Variants in DNAJC1 observed in about 807,000 individuals in gnomAD.
The protein encoded by DNAJC1 is DnaJ heat shock protein family (Hsp40) member C1.
A neutral mutation model predicts 76.6 loss-of-function variants in DNAJC1; 58 were observed. The ratio of observed to expected loss-of-function variants is 0.76; its 90% CI spans 0.61 to 0.94. The LOEUF (loss-of-function observed/expected upper bound fraction) is 0.94. Ranked by LOEUF, DNAJC1 falls within the 40% of genes least tolerant of loss-of-function variation. The probability of loss-of-function intolerance (pLI) is 0.00; values close to 1 mark genes in which losing one functional copy is unlikely to be tolerated. For synonymous variants in DNAJC1, 258 were observed against 267.9 expected (o/e 0.96, Z 0.36); for missense variants, 689 against 677.3 (o/e 1.02, Z -0.19).
intron 3 of DNAJC1, among the ~76,000 whole-genome samples, chr10:21,925,013 G>C (rs928714086): frequency 6.6e-6 from 1 of 152,074 alleles, no homozygotes; most frequent in Non-Finnish European, 1.5e-5. Context: ...TTGTTTTAGA[G>C]ATGGGGTCTC....
At chr10:21,855,726 A>G (rs1482765275) in intron 8 of DNAJC1, among the ~76,000 whole-genome samples, 1 of 152,214 alleles carries the variant, frequency 6.6e-6, no homozygotes, top group Non-Finnish European at 1.5e-5. Flanking sequence ...CTGAAGATCT[A>G]GCAAAAAGAG....
intron 8 of DNAJC1, among the ~76,000 whole-genome samples, chr10:21,830,511 A>AT (rs1835339186): frequency 6.6e-6 from 1 of 151,544 alleles, no homozygotes; most frequent in South Asian, 2.1e-4. Flanking sequence ...TAGTTTTAAG[A>AT]TTTTCTATTT....
At chr10:21,996,621 C>T (rs944534365) in intron 1 of DNAJC1, among the ~76,000 whole-genome samples, 3 of 151,940 alleles carry the variant, frequency 2.0e-5, no homozygotes, top group Non-Finnish European at 4.4e-5. Context: ...CTATGAATAA[C>T]AAAAGATACA....
chr10:21,859,301 T>C (rs2666771), intron 8 of DNAJC1, among the ~76,000 whole-genome samples: 113,020 of 152,018 alleles, frequency 0.74, 42,659 homozygotes, highest in East Asian at 0.98. Flanking sequence ...AAAGTGGCTA[T>C]TGCATATGAC....
chr10:21,951,714 C>T (rs916619752), intron 1 of DNAJC1, among the ~76,000 whole-genome samples: 12 of 152,112 alleles, frequency 7.9e-5, no homozygotes, highest in Non-Finnish European at 1.3e-4. Context: ...TACAAGGTAA[C>T]CACTAATAAA....
At chr10:21,805,545 C>T (rs952033477) in intron 9 of DNAJC1, among the ~76,000 whole-genome samples, 3 of 151,582 alleles carry the variant, frequency 2.0e-5, no homozygotes, top group African/African-American at 7.3e-5. Flanking sequence ...AGGCCAACAC[C>T]ATTTGCATTA....
chr10:21,952,051 G>C (rs550365106), intron 1 of DNAJC1, among the ~76,000 whole-genome samples: 1 of 152,106 alleles, frequency 6.6e-6, no homozygotes, highest in Non-Finnish European at 1.5e-5. Flanking sequence ...AATGAATTTA[G>C]ACCATATTTG....
At chr10:21,833,903 C>A (rs955957340) in intron 8 of DNAJC1, among the ~76,000 whole-genome samples, 39 of 152,064 alleles carry the variant, frequency 2.6e-4, no homozygotes, top group African/African-American at 9.2e-4. Flanking sequence ...CAGAAATGTG[C>A]TACTAGAAAT....
chr10:21,958,509 C>T (rs965287410), intron 1 of DNAJC1, among the ~76,000 whole-genome samples: 8 of 151,632 alleles, frequency 5.3e-5, no homozygotes, highest in African/African-American at 1.7e-4. Flanking sequence ...GTCACTGCAA[C>T]CTCCGCCTCC....
At chr10:21,836,629 G>A (rs997576623) in intron 8 of DNAJC1, among the ~76,000 whole-genome samples, 2 of 152,146 alleles carry the variant, frequency 1.3e-5, no homozygotes, top group African/African-American at 4.8e-5. Context: ...TGGGATGGAG[G>A]AAGATCTACC....
chr10:21,784,010 A>T (rs1445866391), intron 9 of DNAJC1, among the ~76,000 whole-genome samples: 1 of 152,242 alleles, frequency 6.6e-6, no homozygotes, highest in East Asian at 1.9e-4. Flanking sequence ...TTTATATCTA[A>T]AACACCAAAA....
chr10:21,827,878 T>C (rs956887608), intron 8 of DNAJC1, among the ~76,000 whole-genome samples: 10 of 152,246 alleles, frequency 6.6e-5, no homozygotes, highest in Admixed American at 4.6e-4. Flanking sequence ...TTAAAATTTT[T>C]CACTACTAGC....
At chr10:21,928,381 A>C (rs1445535935) in intron 3 of DNAJC1, 125 bp downstream of exon 3, 5 of 830,586 alleles carry the variant, frequency 6.0e-6, no homozygotes, top group Non-Finnish European at 7.6e-6. Flanking sequence ...AAAACACTGC[A>C]TTTCTCGGAA....
chr10:21,883,540 A>C (rs1198577440), intron 7 of DNAJC1, among the ~76,000 whole-genome samples: 5 of 152,092 alleles, frequency 3.3e-5, no homozygotes, highest in African/African-American at 1.2e-4. Context: ...ACATCCTGAT[A>C]AACCTATCAT....
At chr10:21,991,870 A>G (rs1445055659) in intron 1 of DNAJC1, among the ~76,000 whole-genome samples, 1 of 152,246 alleles carries the variant, frequency 6.6e-6, no homozygotes, top group Non-Finnish European at 1.5e-5. Context: ...TGTACCTGTT[A>G]GCTATATGCC....
chr10:21,955,992 T>C (rs1366412473), intron 1 of DNAJC1, among the ~76,000 whole-genome samples: 1 of 152,350 alleles, frequency 6.6e-6, no homozygotes, highest in Admixed American at 6.5e-5. Context: ...CATGTCAGTA[T>C]ATACAGGCCA....
intron 8 of DNAJC1, among the ~76,000 whole-genome samples, chr10:21,837,814 CGGGA>C (rs1448901624): frequency 1.6e-5 from 2 of 129,006 alleles, no homozygotes; most frequent in African/African-American, 2.9e-5. Flanking sequence ...CCGCCCCGTC[CGGGA>C]GGGAGGTGGG....
intron 6 of DNAJC1, among the ~76,000 whole-genome samples, chr10:21,913,478 G>A (rs1012248511): frequency 6.6e-6 from 1 of 151,978 alleles, no homozygotes; most frequent in Admixed American, 6.6e-5. Flanking sequence ...AAATTATTAT[G>A]GGCCCAAATA....
At chr10:21,802,349 C>T (rs539941102) in intron 9 of DNAJC1, among the ~76,000 whole-genome samples, 1 of 152,190 alleles carries the variant, frequency 6.6e-6, no homozygotes, top group Middle Eastern at 3.4e-3. Context: ...AAGATAATAA[C>T]TATATATTTA....
Sources: allele counts gnomAD v4.1 joint callset (sites outside exome capture counted in the v4.1 genomes callset), GRCh38; gene constraint gnomAD v4.1.1; transcripts MANE v1.5; gene names NCBI Gene and HGNC (gene_info 2026-07-23, HGNC 2026-07-21).